ZFPM2: variants seen among roughly 807,000 people sequenced by gnomAD.
ZFPM2 encodes zinc finger protein ZFPM2.
ZFPM2 carries 20 observed loss-of-function variants against 98.6 expected under a neutral mutation model. That is an observed-to-expected ratio of 0.20 (90% CI 0.14 to 0.29). ZFPM2 has a LOEUF of 0.29. Ranked by LOEUF, ZFPM2 falls within the 10% of genes least tolerant of loss-of-function variation. The pLI, the probability that ZFPM2 is intolerant of heterozygous loss-of-function variation, is 1.00. For missense variants in ZFPM2, 1,310 were observed against 1,388.6 expected (o/e 0.94, Z 0.90); for synonymous variants, 518 against 502.7 (o/e 1.03, Z -0.41).
At chr8:105,514,137 G>A (rs1017978593) in intron 3 of ZFPM2, among the ~76,000 whole-genome samples, 4 of 151,550 alleles carry the variant, frequency 2.6e-5, no homozygotes, top group Non-Finnish European at 4.4e-5. Context: ...TGAGTAGCTG[G>A]GATTACAGGT....
At chr8:105,789,234 G>A (rs768315095) in intron 6 of ZFPM2, among the ~76,000 whole-genome samples, 98 of 151,496 alleles carry the variant, frequency 6.5e-4, no homozygotes, top group South Asian at 2.3e-3. Context: ...ATCCTTCCCC[G>A]CTCCCCCCAC....
At chr8:105,524,596 C>T (rs1586435398) in intron 3 of ZFPM2, among the ~76,000 whole-genome samples, 1 of 152,128 alleles carries the variant, frequency 6.6e-6, no homozygotes, top group East Asian at 1.9e-4. Context: ...ACTCTGTGGG[C>T]AAAGTCAGAA....
At chr8:105,326,680 A>C (rs2130656848) in intron 1 of ZFPM2, among the ~76,000 whole-genome samples, 1 of 151,842 alleles carries the variant, frequency 6.6e-6, no homozygotes, top group East Asian at 1.9e-4. Context: ...AATATTAAGT[A>C]GACTTTCATG....
chr8:105,676,596 A>G (rs1810475207), intron 5 of ZFPM2, among the ~76,000 whole-genome samples: 1 of 152,088 alleles, frequency 6.6e-6, no homozygotes, highest in East Asian at 1.9e-4. Context: ...CATGGAAAAA[A>G]TGACCATTGA....
At chr8:105,345,417 G>A (rs1258431614) in intron 1 of ZFPM2, among the ~76,000 whole-genome samples, 4 of 130,354 alleles carry the variant, frequency 3.1e-5, no homozygotes, top group Admixed American at 1.7e-4. Context: ...TAGCTTATTC[G>A]TGATGTTCTT....
intron 1 of ZFPM2, among the ~76,000 whole-genome samples, chr8:105,391,289 T>C (rs1811103055): frequency 6.6e-6 from 1 of 152,228 alleles, no homozygotes; most frequent in South Asian, 2.1e-4. Context: ...GCATATACCT[T>C]AATGTAAAAA....
intron 5 of ZFPM2, among the ~76,000 whole-genome samples, chr8:105,719,145 A>G (rs147718216): frequency 1.0e-3 from 158 of 152,052 alleles, no homozygotes; most frequent in African/African-American, 3.6e-3. Context: ...TCTAACAACT[A>G]TCATCTGCAA....
At chr8:105,777,932 C>G (rs893967609) in intron 5 of ZFPM2, among the ~76,000 whole-genome samples, 5 of 152,142 alleles carry the variant, frequency 3.3e-5, no homozygotes, top group African/African-American at 9.6e-5. Flanking sequence ...ATTAATGAAG[C>G]AGCTGGCCCA....
intron 1 of ZFPM2, among the ~76,000 whole-genome samples, chr8:105,404,052 AGATTTG>A (rs1811393771): frequency 6.6e-6 from 1 of 151,374 alleles, no homozygotes; most frequent in African/African-American, 2.4e-5. Flanking sequence ...ACAGCAGCAT[AGATTTG>A]GCCCTAGGCG....
At chr8:105,346,109 G>A (rs774329244) in intron 1 of ZFPM2, among the ~76,000 whole-genome samples, 14 of 152,040 alleles carry the variant, frequency 9.2e-5, no homozygotes, top group East Asian at 3.9e-4. Context: ...TTCTTGGGCC[G>A]GCACAGTTGC....
At chr8:105,520,661 G>C (rs1291549479) in intron 3 of ZFPM2, among the ~76,000 whole-genome samples, 1 of 152,002 alleles carries the variant, frequency 6.6e-6, no homozygotes, top group Non-Finnish European at 1.5e-5. Flanking sequence ...TTGTCGTAGA[G>C]GAACAAAGCG....
intron 5 of ZFPM2, among the ~76,000 whole-genome samples, chr8:105,651,159 T>A (rs1170143797): frequency 6.6e-6 from 1 of 152,154 alleles, no homozygotes; most frequent in Non-Finnish European, 1.5e-5. Context: ...CTGCATGTTG[T>A]CATTCTTTAG....
chr8:105,462,040 T>G (rs1812713032), intron 3 of ZFPM2, among the ~76,000 whole-genome samples: 3 of 152,214 alleles, frequency 2.0e-5, no homozygotes, highest in Admixed American at 1.3e-4. Flanking sequence ...CCCTAAAATA[T>G]AAGCAAGGAA....
At chr8:105,632,307 T>C (rs1419029504) in intron 4 of ZFPM2, among the ~76,000 whole-genome samples, 1 of 152,124 alleles carries the variant, frequency 6.6e-6, no homozygotes, top group Non-Finnish European at 1.5e-5. Flanking sequence ...GTAGCTGGGA[T>C]TATGGGCATG....
intron 3 of ZFPM2, among the ~76,000 whole-genome samples, chr8:105,559,978 A>G (rs369650416): frequency 4.5e-4 from 69 of 152,072 alleles, no homozygotes; most frequent in African/African-American, 1.7e-3. Context: ...GAAGCCGAGG[A>G]GGGTGGATCA....
chr8:105,460,253 G>T (rs1035916328), intron 3 of ZFPM2, among the ~76,000 whole-genome samples: 3 of 152,102 alleles, frequency 2.0e-5, no homozygotes, highest in African/African-American at 7.2e-5. Context: ...GTGGCCTAAC[G>T]GATCTGCTGG....
intron 5 of ZFPM2, among the ~76,000 whole-genome samples, chr8:105,643,689 C>A (rs1425465506): frequency 1.3e-5 from 2 of 152,134 alleles, no homozygotes; most frequent in Non-Finnish European, 2.9e-5. Flanking sequence ...CCTCAGTATA[C>A]GTGGTCTGAC....
At chr8:105,737,865 A>C (rs1176045524) in intron 5 of ZFPM2, 1 of 151,930 alleles carries the variant, frequency 6.6e-6, no homozygotes, top group Non-Finnish European at 1.5e-5. Flanking sequence ...ATAACTTTTC[A>C]ATGTTAATTT....
rs375537576 is a variant in ZFPM2, at chr8:105,405,974, G to A, written c.41-13170G>A. ...CTGACTTTTTAATGATCGCCATTCT[G>A]ACTGGTGTGAGATGGTATCTCATTG... On this transcript the variant is annotated intron_variant, in intron 1 of 7. Coordinates refer to ENST00000407775, the MANE Select transcript of ZFPM2 (RefSeq NM_012082.4). Among the ~76,000 whole-genome samples, 14 of 152,046 alleles carry A rather than the reference G, an allele frequency of 9.2e-5. No individual in the cohort carries two copies. The East Asian group carries it at 9.7e-4, about 11-fold the overall frequency.
Sources: allele counts gnomAD v4.1 joint callset (sites outside exome capture counted in the v4.1 genomes callset), GRCh38; gene constraint gnomAD v4.1.1; transcripts MANE v1.5; gene names NCBI Gene and HGNC (gene_info 2026-07-23, HGNC 2026-07-21).